Variants in MPPED2 observed in about 807,000 individuals in gnomAD.
MPPED2 encodes the protein metallophosphoesterase domain containing 2.
Under a neutral mutation model 33.0 loss-of-function variants are expected in MPPED2, and 5 were observed. The observed-to-expected ratio is 0.15, with a 90% CI of 0.08 to 0.32. The LOEUF is 0.32. Among genes scored for constraint, MPPED2 ranks in the 10% least tolerant of loss-of-function variants. The pLI is 1.00. For missense variants in MPPED2, 275 were observed against 372.1 expected (o/e 0.74, Z 2.15); for synonymous variants, 136 against 141.9 (o/e 0.96, Z 0.29).
At chr11:30,544,514 C>T (rs2134565133) in intron 2 of MPPED2, among the ~76,000 whole-genome samples, 1 of 152,278 alleles carries the variant, frequency 6.6e-6, no homozygotes, top group African/African-American at 2.4e-5. Context: ...AGGATTCTGC[C>T]AATTTACTAT....
exon 7 of MPPED2, chr11:30,388,338 T>G (rs1283393675): frequency 6.6e-6 from 1 of 152,500 alleles, no homozygotes; most frequent in Non-Finnish European, 1.5e-5. Flanking sequence ...AGGTGCACAG[T>G]GCCTGCCTTG....
intron 4 of MPPED2, among the ~76,000 whole-genome samples, chr11:30,437,916 A>C (rs916241219): frequency 1.3e-5 from 2 of 151,918 alleles, no homozygotes; most frequent in African/African-American, 4.8e-5. Context: ...AACAGCATAG[A>C]CTCTGGAGCC....
intron 2 of MPPED2, among the ~76,000 whole-genome samples, chr11:30,559,418 A>C (rs1319313873): frequency 6.6e-6 from 1 of 152,224 alleles, no homozygotes; most frequent in African/African-American, 2.4e-5. Context: ...CTTTAAAACC[A>C]TAGTTAATTG....
intron 6 of MPPED2, among the ~76,000 whole-genome samples, chr11:30,399,172 T>A (rs370472123): frequency 2.0e-5 from 3 of 147,764 alleles, no homozygotes; most frequent in African/African-American, 7.4e-5. Flanking sequence ...CTTTTTTTTT[T>A]AATAAACAAC....
chr11:30,394,766 C>T (rs1947820218), intron 6 of MPPED2, among the ~76,000 whole-genome samples: 1 of 152,138 alleles, frequency 6.6e-6, no homozygotes, highest in Non-Finnish European at 1.5e-5. Flanking sequence ...TGAAGTTCAA[C>T]TTACAAATTT....
intron 4 of MPPED2, among the ~76,000 whole-genome samples, chr11:30,461,928 A>T (rs912533433): frequency 1.3e-5 from 2 of 152,192 alleles, no homozygotes; most frequent in Admixed American, 6.5e-5. Context: ...TGAGGCAGAG[A>T]TGCTGGGCAC....
At chr11:30,404,446 G>T (rs113890808) in intron 6 of MPPED2, among the ~76,000 whole-genome samples, 1 of 152,150 alleles carries the variant, frequency 6.6e-6, no homozygotes, top group East Asian at 1.9e-4. Context: ...AACCAGCTAC[G>T]TGACACACTT....
intron 2 of MPPED2, among the ~76,000 whole-genome samples, chr11:30,563,338 C>A (rs748103757): frequency 2.6e-4 from 39 of 152,112 alleles, no homozygotes; most frequent in Non-Finnish European, 5.3e-4. Flanking sequence ...AAGGAGTAAG[C>A]AACGTAGATC....
At chr11:30,462,763 G>A (rs1950558146) in intron 4 of MPPED2, among the ~76,000 whole-genome samples, 1 of 152,076 alleles carries the variant, frequency 6.6e-6, no homozygotes, top group African/African-American at 2.4e-5. Flanking sequence ...TTTAATTGAT[G>A]GAAAATGAAG....
exon 7 of MPPED2, chr11:30,387,344 G>T (rs138492891): frequency 6.6e-6 from 1 of 152,218 alleles, no homozygotes; most frequent in South Asian, 2.1e-4. Context: ...TCATTTCTTT[G>T]AAACATTCAT....
chr11:30,565,707 T>A (rs1414498608), intron 2 of MPPED2, among the ~76,000 whole-genome samples: 1 of 152,184 alleles, frequency 6.6e-6, no homozygotes, highest in Non-Finnish European at 1.5e-5. Context: ...GATACAGACT[T>A]CTCTTTCTTA....
At chr11:30,532,479 C>T (rs929019775) in intron 3 of MPPED2, among the ~76,000 whole-genome samples, 1 of 152,296 alleles carries the variant, frequency 6.6e-6, no homozygotes, top group East Asian at 1.9e-4. Context: ...GGATTCTATG[C>T]CACTGGCTCT....
chr11:30,408,133 G>T (rs192474348), downstream of MPPED2, among the ~76,000 whole-genome samples: 2 of 152,194 alleles, frequency 1.3e-5, no homozygotes, highest in African/African-American at 4.8e-5. Flanking sequence ...GCACTAGTCC[G>T]AGGTGGGGCC....
chr11:30,561,733 G>T (rs571040622), intron 2 of MPPED2, among the ~76,000 whole-genome samples: 1 of 152,176 alleles, frequency 6.6e-6, no homozygotes, highest in African/African-American at 2.4e-5. Context: ...AAGGAAAATT[G>T]CCTGTGGCTA....
At chr11:30,563,947 T>C (rs1956337151) in intron 2 of MPPED2, among the ~76,000 whole-genome samples, 1 of 152,210 alleles carries the variant, frequency 6.6e-6, no homozygotes, top group Admixed American at 6.5e-5. Flanking sequence ...CATGAGACAC[T>C]GTGTAAGGCT....
intron 2 of MPPED2, among the ~76,000 whole-genome samples, chr11:30,571,941 T>G (rs1333153820): frequency 1.3e-5 from 2 of 152,128 alleles, no homozygotes; most frequent in Non-Finnish European, 2.9e-5. Context: ...AATATCCCCA[T>G]GAAAGAAGTT....
rs1407005772 is a variant in MPPED2, at chr11:30,536,177, TA to T, written c.129-3del. 3.8e-6 allele frequency: 6 copies of T among 1,588,972 alleles called. No individual in the cohort carries two copies. Among genetic ancestry groups the T allele is most frequent in the Non-Finnish European group, 5.1e-6 (6 of 1,169,688 alleles). On this transcript the variant is annotated splice_polypyrimidine_tract_variant and splice_region_variant and intron_variant, in intron 2 of 6. Coordinates refer to ENST00000358117, the MANE Select transcript of MPPED2 (RefSeq NM_001584.3). ...GTGTCATATGGGATGGGGTCGACCCTAAAGTAGACATAACAGATCCCATAAC... is the reference window on the plus strand; with the variant it reads ...GTGTCATATGGGATGGGGTCGACCCTAAGTAGACATAACAGATCCCATAAC...
chr11:30,416,704 T>C (rs1314781402), intron 5 of MPPED2, among the ~76,000 whole-genome samples: 1 of 152,204 alleles, frequency 6.6e-6, no homozygotes, highest in Non-Finnish European at 1.5e-5. Context: ...CAGTCTTCTA[T>C]TAAAAGTGAA....
At chr11:30,486,514 T>G (rs1318476839) in intron 4 of MPPED2, among the ~76,000 whole-genome samples, 2 of 152,186 alleles carry the variant, frequency 1.3e-5, no homozygotes, top group Non-Finnish European at 2.9e-5. Flanking sequence ...TGACACCAAC[T>G]ACTTTGACTG....
Sources: gnomAD v4.1 joint callset for allele counts (sites outside exome capture counted in the v4.1 genomes callset) on GRCh38, gnomAD v4.1.1 for gene constraint, MANE v1.5 for transcripts, NCBI Gene and HGNC (gene_info 2026-07-23, HGNC 2026-07-21) for gene names.